Variants in FAM193B observed in about 807,000 individuals in gnomAD.
The protein encoded by FAM193B is family with sequence similarity 193 member B.
In FAM193B, 27 loss-of-function variants were observed where a neutral mutation model predicts 70.7. The ratio of observed to expected loss-of-function variants is 0.38; its 90% CI spans 0.28 to 0.53. The LOEUF is 0.53. FAM193B is among the 20% of genes least tolerant of loss of function. The pLI is 0.81. For synonymous variants in FAM193B, 448 were observed against 436.0 expected (o/e 1.03, Z -0.34); for missense variants, 1,022 against 1,072.5 (o/e 0.95, Z 0.66).
At position 177,521,979 on chromosome 5, in the gene FAM193B, T is replaced by C; in HGVS notation, c.2465A>G (p.Gln822Arg). The change falls in exon 8 of 9, where the codon CAG (glutamine) becomes CGG (arginine). Residue 822 changes from glutamine to arginine, a missense_variant. Gln to Arg is a conservative substitution (Grantham distance 43). Transcript: ENST00000514747. ...AACTCTTGGGGTCTCTGTACCTCAC[T>C]GAGCTGTGCTAGGAGTGGTTTTCTT... is the stretch of plus-strand genomic sequence containing the variant. ...SLKKTTPSTA[Q>R] 1 of 1,613,146 alleles carries C rather than the reference T, an allele frequency of 6.2e-7. No individual in the cohort carries two copies. Among genetic ancestry groups the C allele is most frequent in the Non-Finnish European group, 8.5e-7 (1 of 1,179,138 alleles).
chr5:177,545,617 C>T (rs1320109713), intron 1 of FAM193B, among the ~76,000 whole-genome samples: 1 of 145,584 alleles, frequency 6.9e-6, no homozygotes, highest in Non-Finnish European at 1.5e-5. Flanking sequence ...GCCAAGATTG[C>T]ACCATTGTAC....
At chr5:177,528,245 T>C (rs1343480245) in intron 5 of FAM193B, among the ~76,000 whole-genome samples, 1 of 152,110 alleles carries the variant, frequency 6.6e-6, no homozygotes, top group Admixed American at 6.5e-5. Flanking sequence ...CAGAGGAGGA[T>C]GGATTTGGCA....
At chr5:177,531,522 C>CGGGGGGGGGG in intron 5 of FAM193B, 2 of 560,464 alleles carry the variant, frequency 3.6e-6, no homozygotes, top group Non-Finnish European at 6.3e-6. Flanking sequence ...CAGCGGGTGG[C>CGGGGGGGGGG]TGGGGGTGGG....
chr5:177,549,174 T>C (rs1050905097), intron 1 of FAM193B, among the ~76,000 whole-genome samples: 1 of 148,122 alleles, frequency 6.8e-6, no homozygotes, highest in East Asian at 2.0e-4. Context: ...CATGTAAGAC[T>C]GGATTGTCTT....
At position 177,538,236 on chromosome 5, in the gene FAM193B, A is replaced by G; in HGVS notation, c.454-129T>C. ...ATGTGCCATAGCAAAAACACAATTA[A>G]TACAACTCCAGCTATAAGAACAAAT... On this transcript the variant is annotated intron_variant, in intron 2 of 8. Coordinates refer to ENST00000514747, the MANE Select transcript of FAM193B (RefSeq NM_001190946.3). The surrounding 1 kb of genome is among the most constrained non-coding windows in gnomAD (Gnocchi z 4.1). 3 of 915,676 alleles carry G rather than the reference A, an allele frequency of 3.3e-6. No individual in the cohort carries two copies. The highest frequency in any genetic ancestry group is 2.7e-5 in the East Asian group (1 of 36,778). The allele number at this position is 915,676 out of a possible 1,614,324, so 56.7% of individuals were successfully genotyped here. A position where few individuals can be genotyped will look rare whatever the true frequency, so the allele number is the denominator to read the frequency against.
intron 1 of FAM193B, among the ~76,000 whole-genome samples, chr5:177,543,960 CCAGCAGCCCTGGG>C (rs370749954): frequency 4.6e-5 from 7 of 152,380 alleles, no homozygotes; most frequent in East Asian, 1.9e-4. Context: ...ATTCTTGAAT[CCAGCAGCCCTGGG>C]CAGCAGCCCA....
chr5:177,523,766 T>C (rs1380474255), intron 7 of FAM193B, among the ~76,000 whole-genome samples, 191 bp downstream of exon 7: 2 of 152,262 alleles, frequency 1.3e-5, no homozygotes, highest in Non-Finnish European at 2.9e-5. Flanking sequence ...AGATGTGCCA[T>C]CCTGCCCAGT....
At chr5:177,523,124 C>T (rs939643222) in intron 7 of FAM193B, 7 of 241,450 alleles carry the variant, frequency 2.9e-5, no homozygotes, top group African/African-American at 4.7e-5. Flanking sequence ...CTCAGCCTCC[C>T]GAGTAGCTGG....
At chr5:177,523,369 T>C (rs914993276) in intron 7 of FAM193B, 1 of 237,384 alleles carries the variant, frequency 4.2e-6, no homozygotes, top group Admixed American at 4.8e-5. Context: ...TTTGTTTTTT[T>C]TCCTGAATAT....
rs558181214 is a variant in FAM193B, at chr5:177,549,698, G to A, written c.210+4551C>T. Among the ~76,000 whole-genome samples the A allele has an allele frequency of 6.6e-5, 10 of 152,330 alleles. No homozygotes were observed. The South Asian group carries it at 1.0e-3, about 16-fold the overall frequency. On this transcript the variant is annotated intron_variant, in intron 1 of 8. Transcript: ENST00000514747. Reference sequence around the variant, plus strand: ...CTATGTCTGATTCACTTCTGCATGCGCAGCTAGCCCAGGCCTGGCACAGAG... The same window carrying A: ...CTATGTCTGATTCACTTCTGCATGCACAGCTAGCCCAGGCCTGGCACAGAG...
At chr5:177,553,920 C>T in intron 1 of FAM193B, 1 of 1,218,060 alleles carries the variant, frequency 8.2e-7, no homozygotes, top group Non-Finnish European at 1.0e-6. Context: ...GGGGAGGTGG[C>T]GGGCCGAGAG....
chr5:177,530,659 TCA>T (rs1228572308), intron 5 of FAM193B, among the ~76,000 whole-genome samples: 1 of 152,180 alleles, frequency 6.6e-6, no homozygotes, highest in Non-Finnish European at 1.5e-5. Context: ...ATTAAAACCC[TCA>T]GTGACTTCTC....
At chr5:177,526,221 T>C (rs925653472) in intron 5 of FAM193B, among the ~76,000 whole-genome samples, 2 of 152,236 alleles carry the variant, frequency 1.3e-5, no homozygotes, top group African/African-American at 4.8e-5. Context: ...TCAATTGTTC[T>C]GTGGGACCTT....
In FAM193B at chr5:177,534,291, ATTTTTTTTT is replaced by A. The variant is rs372141424; in HGVS notation, c.1077-1659_1077-1651del. 2.2e-5 allele frequency among the ~76,000 whole-genome samples: 3 copies of A among 134,802 alleles called. No homozygotes were observed. The Admixed American group carries it at 2.3e-4, about 10-fold the overall frequency. The allele number at this position is 134,802 out of a possible 152,430, so 88.4% of individuals were successfully genotyped here. A position where few individuals can be genotyped will look rare whatever the true frequency, so the allele number is the denominator to read the frequency against. On this transcript the variant is annotated intron_variant, in intron 4 of 8. Coordinates refer to ENST00000514747, the MANE Select transcript of FAM193B (RefSeq NM_001190946.3). Reference sequence around the variant, plus strand: ...ATTATCTATTGCATTAGCAAAACTGATTTTTTTTTTTTTTTTTTGGAGACGGAGTCTCGC... The same window carrying A: ...ATTATCTATTGCATTAGCAAAACTGATTTTTTTTTGGAGACGGAGTCTCGC...
At chr5:177,553,217 C>CT in intron 1 of FAM193B, 1 of 985,946 alleles carries the variant, frequency 1.0e-6, no homozygotes, top group Non-Finnish European at 1.2e-6. Context: ...GCCATGCCTT[C>CT]TGGCTGCACC....
At chr5:177,522,286 T>TG in intron 7 of FAM193B, 5 of 501,130 alleles carry the variant, frequency 1.0e-5, no homozygotes, top group South Asian at 2.2e-5. Context: ...ACAGTGAAAC[T>TG]GCCTTGGGAT....
At chr5:177,525,918 C>T (rs335446) in intron 5 of FAM193B, among the ~76,000 whole-genome samples, 126,948 of 152,246 alleles carry the variant, frequency 0.83, 54,899 homozygotes, top group Non-Finnish European at 0.94. Flanking sequence ...TGTGGGATCT[C>T]AGTCACCCCA....
chr5:177,532,491 A>G lies in FAM193B; in HGVS notation c.1227T>C (p.Asp409=). 6.2e-7 allele frequency: 1 copy of G among 1,611,878 alleles called. No homozygotes were observed. The highest frequency in any genetic ancestry group is 2.2e-5 in the East Asian group (1 of 44,838). The change falls in exon 5 of 9, where the codon GAT becomes GAC. Residue 409 remains aspartate, a synonymous_variant. Coordinates refer to ENST00000514747, the MANE Select transcript of FAM193B (RefSeq NM_001190946.3). This position sits in a 1 kb window ranked among gnomAD's most constrained non-coding sequence, Gnocchi z 4.9. The part of the protein sequence containing the change: ...SCTSSSTHQR[D]GKFCDCCYCE... ...AGTAGCAGCAGTCACAGAACTTCCC[A>G]TCTCTCTGGTGGGTGGAGGATGAGG...
intron 1 of FAM193B, chr5:177,547,235 G>A (rs1561785976): frequency 6.7e-6 from 1 of 149,466 alleles, no homozygotes; most frequent in African/African-American, 2.5e-5. Context: ...TGCCCTGGAA[G>A]AAATGACAGG....
Sources: allele counts gnomAD v4.1 joint callset (sites outside exome capture counted in the v4.1 genomes callset), GRCh38; gene constraint gnomAD v4.1.1; non-coding constraint Gnocchi (gnomAD v3.1); transcripts MANE v1.5; gene names NCBI Gene and HGNC (gene_info 2026-07-23, HGNC 2026-07-21).